The following SLC44A1 variants were observed in gnomAD, a reference collection of about 807,000 sequenced individuals.
The protein encoded by SLC44A1 is solute carrier family 44 member 1.
Under a neutral mutation model 79.3 loss-of-function variants are expected in SLC44A1, and 26 were observed. The ratio of observed to expected loss-of-function variants is 0.33; its 90% CI spans 0.24 to 0.46. The LOEUF is 0.46. SLC44A1 is among the 20% of genes least tolerant of loss of function. The pLI, the probability that SLC44A1 is intolerant of heterozygous loss-of-function variation, is 1.00. For synonymous variants in SLC44A1, 263 were observed against 286.2 expected (o/e 0.92, Z 0.82); for missense variants, 688 against 798.1 (o/e 0.86, Z 1.66).
intron 1 of SLC44A1, among the ~76,000 whole-genome samples, chr9:105,288,984 G>A (rs1372683661): frequency 6.6e-6 from 1 of 152,176 alleles, no homozygotes; most frequent in Non-Finnish European, 1.5e-5. Context: ...TTTAAAATGG[G>A]ATTAATTTTT....
chr9:105,349,293 G>A (rs1050554921), intron 5 of SLC44A1, among the ~76,000 whole-genome samples: 4 of 152,036 alleles, frequency 2.6e-5, no homozygotes, highest in African/African-American at 9.7e-5. Flanking sequence ...TGTACTTGAG[G>A]CCACTTTAAT....
At position 105,394,678 on chromosome 9, in the gene SLC44A1, G is replaced by C. The variant is rs1828840881; in HGVS notation, c.*5622G>C. The C allele has an allele frequency of 1.0e-6, 1 of 985,204 alleles. No homozygotes were observed. Among genetic ancestry groups the C allele is most frequent in the African/African-American group, 1.7e-5 (1 of 57,220 alleles). The allele number at this position is 985,204 out of a possible 1,614,324, so 61.0% of individuals were successfully genotyped here. A position where few individuals can be genotyped will look rare whatever the true frequency, so the allele number is the denominator to read the frequency against. On this transcript the variant is annotated 3_prime_UTR_variant, in exon 16 of 16. Transcript: ENST00000374720. ...TAAAATATATTTGTCAACATGTCCA[G>C]TTCCAACAACAGTTGAAGATGATGA...
intron 3 of SLC44A1, among the ~76,000 whole-genome samples, chr9:105,316,378 A>T (rs915364578): frequency 1.3e-5 from 2 of 152,232 alleles, no homozygotes; most frequent in African/African-American, 4.8e-5. Flanking sequence ...GCATAACATT[A>T]TTAAGGGAAA....
At chr9:105,398,682 T>A (rs1490935780), downstream of SLC44A1, among the ~76,000 whole-genome samples, 2 of 152,206 alleles carry the variant, frequency 1.3e-5, no homozygotes, top group Admixed American at 1.3e-4. Context: ...AAGTAGTGAT[T>A]AAAATTTTAG....
chr9:105,258,289 A>G (rs1829758261), intron 1 of SLC44A1, among the ~76,000 whole-genome samples: 1 of 152,224 alleles, frequency 6.6e-6, no homozygotes, highest in Admixed American at 6.5e-5. Flanking sequence ...GGTATTTTCC[A>G]TAGGGAATTG....
chr9:105,416,255 A>C (rs1172508255), intron 15 of SLC44A1, among the ~76,000 whole-genome samples: 3 of 152,208 alleles, frequency 2.0e-5, no homozygotes, highest in East Asian at 1.9e-4. Context: ...AAATAAGAAG[A>C]AGCTAATTCT....
intron 2 of SLC44A1, among the ~76,000 whole-genome samples, chr9:105,303,120 G>C (rs924911980): frequency 3.3e-5 from 5 of 152,108 alleles, no homozygotes; most frequent in African/African-American, 1.2e-4. Flanking sequence ...AGCTCCTCCT[G>C]GGTTCTCAAC....
chr9:105,390,491 G>A lies in SLC44A1; in HGVS notation c.*1435G>A. ...TCATTCCATGGAAGGAGAATCTTTT[G>A]AAAGAAAGCATTGCCTCCTACCAGA... On this transcript the variant is annotated 3_prime_UTR_variant, in exon 16 of 16. Transcript: ENST00000374720. The A allele has an allele frequency of 1.4e-6, 1 of 693,960 alleles. No homozygotes were observed. The allele number at this position is 693,960 out of a possible 1,614,324, so 43.0% of individuals were successfully genotyped here.
intron 1 of SLC44A1, among the ~76,000 whole-genome samples, chr9:105,288,829 A>G (rs1830536239): frequency 6.6e-6 from 1 of 152,238 alleles, no homozygotes; most frequent in Non-Finnish European, 1.5e-5. Flanking sequence ...ATTTCTAGAA[A>G]TATAATGAGA....
At position 105,389,476 on chromosome 9, in the gene SLC44A1, A is replaced by T; in HGVS notation, c.*420A>T. ...GGGTAATTTCCCTGATGTCTGTATA[A>T]AATCAAGATCTTATTTTACTGATGC... On this transcript the variant is annotated 3_prime_UTR_variant, in exon 16 of 16. Coordinates refer to ENST00000374720, the MANE Select transcript of SLC44A1 (RefSeq NM_080546.5). 3.9e-6 allele frequency: 4 copies of T among 1,034,912 alleles called. No individual in the cohort carries two copies. The highest frequency in any genetic ancestry group is 4.6e-6 in the Non-Finnish European group (4 of 861,742). 64.1% of individuals were successfully genotyped at this position (1,034,912 alleles called of 1,614,324 possible).
intron 1 of SLC44A1, among the ~76,000 whole-genome samples, chr9:105,279,692 G>A (rs327950): frequency 0.19 from 28,341 of 151,968 alleles, 4,229 homozygotes; most frequent in African/African-American, 0.42. Context: ...GATACAGTAG[G>A]GCATCTTCAG....
chr9:105,264,323 CT>C (rs1300666662), intron 1 of SLC44A1, among the ~76,000 whole-genome samples: 1 of 152,130 alleles, frequency 6.6e-6, no homozygotes, highest in African/African-American at 2.4e-5. Context: ...ACCACCACGC[CT>C]AGCTGATTTT....
intron 1 of SLC44A1, among the ~76,000 whole-genome samples, chr9:105,291,246 C>T (rs1233404487): frequency 6.6e-6 from 1 of 152,198 alleles, no homozygotes; most frequent in African/African-American, 2.4e-5. Flanking sequence ...TTTAATGAAG[C>T]AGTATGTCCT....
chr9:105,372,369 A>G (rs1038323698), intron 12 of SLC44A1, among the ~76,000 whole-genome samples: 2 of 151,686 alleles, frequency 1.3e-5, no homozygotes, highest in African/African-American at 2.4e-5. Context: ...GCTCACTGCA[A>G]CCTCCACCTC....
chr9:105,430,198 A>T (rs943568936), intron 15 of SLC44A1, among the ~76,000 whole-genome samples: 1 of 152,228 alleles, frequency 6.6e-6, no homozygotes, highest in Non-Finnish European at 1.5e-5. Context: ...TGGCCTAATT[A>T]TAGTTCTTAT....
chr9:105,318,426 C>G (rs1198441740), intron 3 of SLC44A1, among the ~76,000 whole-genome samples: 3 of 152,184 alleles, frequency 2.0e-5, no homozygotes, highest in Admixed American at 6.5e-5. Context: ...ATGTTCCCCC[C>G]ACCTCAGCCT....
At position 105,391,793 on chromosome 9, in the gene SLC44A1, G is replaced by T. The variant is rs1828767358; in HGVS notation, c.*2737G>T. On this transcript the variant is annotated 3_prime_UTR_variant, in exon 16 of 16. Coordinates refer to ENST00000374720, the MANE Select transcript of SLC44A1 (RefSeq NM_080546.5). ...AACAGAAATTTCTCTGTGAAATGTG[G>T]ATACCCGAATAATTTCATAAATCAT... 8 of 985,148 alleles carry T rather than the reference G, an allele frequency of 8.1e-6. No homozygotes were observed. Among genetic ancestry groups the T allele is most frequent in the African/African-American group, 1.7e-5 (1 of 57,204 alleles). The allele number at this position is 985,148 out of a possible 1,614,324, so 61.0% of individuals were successfully genotyped here. A position where few individuals can be genotyped will look rare whatever the true frequency, so the allele number is the denominator to read the frequency against.
chr9:105,259,112 A>T (rs567492521), intron 1 of SLC44A1, among the ~76,000 whole-genome samples: 1 of 152,218 alleles, frequency 6.6e-6, no homozygotes, highest in South Asian at 2.1e-4. Context: ...GGTGGTTATA[A>T]ACTTCAGACT....
At chr9:105,362,424 C>T (rs1232177601) in intron 8 of SLC44A1, among the ~76,000 whole-genome samples, 1 of 152,116 alleles carries the variant, frequency 6.6e-6, no homozygotes, top group African/African-American at 2.4e-5. Flanking sequence ...GAATCTGACA[C>T]AGATCCCACT....
Sources: gnomAD v4.1 joint callset for allele counts (sites outside exome capture counted in the v4.1 genomes callset) on GRCh38, gnomAD v4.1.1 for gene constraint, MANE v1.5 for transcripts, NCBI Gene and HGNC (gene_info 2026-07-23, HGNC 2026-07-21) for gene names.